MYO16: variants seen among roughly 807,000 people sequenced by gnomAD.
MYO16 encodes the protein unconventional myosin-XVI.
A neutral mutation model predicts 205.3 loss-of-function variants in MYO16; 94 were observed. The observed-to-expected ratio is 0.46, with a 90% CI of 0.39 to 0.54. The LOEUF is 0.54. Ranked by LOEUF, MYO16 falls within the 20% of genes least tolerant of loss-of-function variation. The probability of loss-of-function intolerance (pLI) is 0.00; values close to 1 mark genes in which losing one functional copy is unlikely to be tolerated. For synonymous variants in MYO16, 988 were observed against 954.0 expected (o/e 1.04, Z -0.66); for missense variants, 2,315 against 2,387.5 (o/e 0.97, Z 0.63).
At chr13:108,693,980 G>A (rs1882996316) in intron 2 of MYO16, among the ~76,000 whole-genome samples, 1 of 152,128 alleles carries the variant, frequency 6.6e-6, no homozygotes, top group South Asian at 2.1e-4. Flanking sequence ...CTGTTCCTGT[G>A]TTAGTTTGCT....
At chr13:108,516,958 T>A in the MYO16 span, among the ~76,000 whole-genome samples, 1 of 152,088 alleles carries the variant, frequency 6.6e-6, no homozygotes, top group African/African-American at 2.4e-5. Flanking sequence ...AGAGACAGGG[T>A]CTCACTCTGT....
intron 4 of MYO16, among the ~76,000 whole-genome samples, chr13:108,752,647 C>CT (rs551153441): frequency 0.035 from 4,795 of 135,666 alleles, 281 homozygotes; most frequent in African/African-American, 0.12. Flanking sequence ...TTTTTCTTTT[C>CT]TTTTTTTTTT....
Position 108,972,330 on chromosome 13 carries a change from CTATATATATATATATATAGCCA to C in MYO16, c.2369+7447_2369+7468del, listed in dbSNP as rs1172672094. ...TGTATGTGTGTATATATATAGCCAT[CTATATATATATATATATAGCCA>C]TATATATATATATATATATATATAT... is the stretch of plus-strand genomic sequence containing the variant. On this transcript the variant is annotated intron_variant, in intron 20 of 34. Coordinates refer to ENST00000457511, the MANE Select transcript of MYO16 (RefSeq NM_001198950.3). 4.6e-4 allele frequency among the ~76,000 whole-genome samples: 3 copies of C among 6,590 alleles called. 1 individual carries two copies. The highest frequency in any genetic ancestry group is 8.3e-4 in the Non-Finnish European group (2 of 2,410). The allele number at this position is 6,590 out of a possible 152,430, so 4.3% of individuals were successfully genotyped here. A position where few individuals can be genotyped will look rare whatever the true frequency, so the allele number is the denominator to read the frequency against.
At chr13:108,645,474 T>C (rs1489356706) in intron 1 of MYO16, among the ~76,000 whole-genome samples, 2 of 152,172 alleles carry the variant, frequency 1.3e-5, no homozygotes, top group Admixed American at 6.5e-5. Flanking sequence ...ATTCCTAACA[T>C]TCAGAGAACT....
chr13:108,635,403 C>T (rs1880177120), intron 1 of MYO16, among the ~76,000 whole-genome samples: 1 of 152,146 alleles, frequency 6.6e-6, no homozygotes, highest in South Asian at 2.1e-4. Flanking sequence ...ATTATTTACA[C>T]TGGGTTTTTA....
intron 28 of MYO16, among the ~76,000 whole-genome samples, chr13:109,106,409 C>T (rs1249583243): frequency 4.6e-5 from 7 of 152,054 alleles, no homozygotes; most frequent in Admixed American, 2.6e-4. Flanking sequence ...ACTATTTGCC[C>T]GAATTTCTCC....
the MYO16 span, among the ~76,000 whole-genome samples, chr13:108,525,442 G>A: frequency 6.6e-6 from 1 of 152,162 alleles, no homozygotes; most frequent in Admixed American, 6.5e-5. Context: ...GGAGGTTGCT[G>A]TGTTTTATTA....
intron 1 of MYO16, among the ~76,000 whole-genome samples, chr13:108,647,283 G>T (rs534948221): frequency 6.6e-6 from 1 of 152,154 alleles, no homozygotes; most frequent in East Asian, 1.9e-4. Context: ...CTTTCACCCA[G>T]AATTAGTGCA....
At position 108,972,375 on chromosome 13, in the gene MYO16, T is replaced by G. The variant is rs1416733136; in HGVS notation, c.2369+7473T>G. On this transcript the variant is annotated intron_variant, in intron 20 of 34. Coordinates refer to ENST00000457511, the MANE Select transcript of MYO16 (RefSeq NM_001198950.3). ...CCATATATATATATATATATATATA[T>G]ATATATATATATATATATATATAGT... is the stretch of plus-strand genomic sequence containing the variant. 1.3e-4 allele frequency among the ~76,000 whole-genome samples: 8 copies of G among 60,606 alleles called. 2 individuals are homozygous for G. The East Asian group carries it at 2.7e-3, about 20-fold the overall frequency. 39.8% of individuals were successfully genotyped at this position (60,606 alleles called of 152,430 possible). A position where few individuals can be genotyped will look rare whatever the true frequency, so the allele number is the denominator to read the frequency against.
At position 109,101,095 on chromosome 13, in the gene MYO16, C is replaced by T. The variant is rs563299599; in HGVS notation, c.3438+208C>T. On this transcript the variant is annotated intron_variant, in intron 28 of 34. Transcript: ENST00000457511. ...TCTTGCAGCCAACATGAGAGGAAAT[C>T]TAACAGGCTCCCTTTACAACATGAC... Among the ~76,000 whole-genome samples the T allele has an allele frequency of 1.1e-4, 17 of 151,484 alleles. No individual in the cohort carries two copies. In the South Asian group the frequency reaches 3.5e-3, roughly 31 times the overall value.
chr13:108,507,424 A>C, the MYO16 span, among the ~76,000 whole-genome samples: 61 of 152,118 alleles, frequency 4.0e-4, no homozygotes, highest in East Asian at 0.011. Context: ...TTTTTAAAGA[A>C]AAACTTTGAA....
chr13:108,959,349 C>T (rs1309486283), intron 17 of MYO16, among the ~76,000 whole-genome samples: 2 of 152,132 alleles, frequency 1.3e-5, no homozygotes, highest in Non-Finnish European at 2.9e-5. Context: ...TCTGCTTCCT[C>T]ATAGGAAGTG....
intron 20 of MYO16, among the ~76,000 whole-genome samples, chr13:108,989,750 T>C (rs541298408): frequency 0.015 from 2,217 of 152,288 alleles, 35 homozygotes; most frequent in Middle Eastern, 0.061. Context: ...AGGAAGGCTC[T>C]ACCGATTTAA....
chr13:108,919,597 G>A (rs7986561), intron 16 of MYO16, among the ~76,000 whole-genome samples: 58,214 of 151,944 alleles, frequency 0.38, 11,490 homozygotes, highest in South Asian at 0.57. Flanking sequence ...AGATGTGCAA[G>A]CAGTGTATTT....
intron 16 of MYO16, among the ~76,000 whole-genome samples, chr13:108,944,088 A>G (rs1011138449): frequency 6.6e-6 from 1 of 152,210 alleles, no homozygotes. Flanking sequence ...GAACTGTACT[A>G]CAGGGTATTG....
intron 23 of MYO16, among the ~76,000 whole-genome samples, chr13:109,029,766 G>A (rs559349699): frequency 6.6e-6 from 1 of 152,182 alleles, no homozygotes; most frequent in Admixed American, 6.5e-5. Context: ...CTAGGCTCCT[G>A]GTGTTCCACT....
At chr13:108,954,546 G>C (rs1260220975) in intron 16 of MYO16, among the ~76,000 whole-genome samples, 1 of 152,096 alleles carries the variant, frequency 6.6e-6, no homozygotes, top group Admixed American at 6.5e-5. Flanking sequence ...TTCAAGACCA[G>C]CCTGGGCAAC....
Position 109,141,076 on chromosome 13 carries a change from G to A in MYO16, c.4864G>A (p.Ala1622Thr), listed in dbSNP as rs113648411. Residue 1622 changes from alanine (A) to threonine (T), a missense_variant, in exon 32 of 35, where the codon GCC (alanine) becomes ACC (threonine). Transcript: ENST00000457511. This position sits in a 1 kb window ranked among gnomAD's most constrained non-coding sequence, Gnocchi z 4.1. ...GCACTTGGCCTTCCCGCCGGAGCCC[G>A]CCCCGGTGAACGCGGGGAAAGCGGG... ...CAHLAFPPEP[A>T]PVNAGKAGPS... The A allele has an allele frequency of 1.4e-6, 2 of 1,453,194 alleles. No homozygotes were observed. Among genetic ancestry groups the A allele is most frequent in the Admixed American group, 2.7e-5 (1 of 37,182 alleles). 90.0% of individuals were successfully genotyped at this position (1,453,194 alleles called of 1,614,324 possible). A position where few individuals can be genotyped will look rare whatever the true frequency, so the allele number is the denominator to read the frequency against.
In MYO16 at chr13:108,932,718, AC is replaced by A. The variant is rs375841110; in HGVS notation, c.1925+22570del. ...TCTGTGGGCAGAGATTTCATGGTAT[AC>A]CTTCCCACTGAGATAGTGACTTTTT... On this transcript the variant is annotated intron_variant, in intron 16 of 34. Coordinates refer to ENST00000457511, the MANE Select transcript of MYO16 (RefSeq NM_001198950.3). Among the ~76,000 whole-genome samples the A allele has an allele frequency of 3.1e-3, 469 of 152,206 alleles. 5 individuals are homozygous for A. Among genetic ancestry groups the A allele is most frequent in the African/African-American group, 0.011 (453 of 41,530 alleles).
Sources: gnomAD v4.1 joint callset for allele counts (sites outside exome capture counted in the v4.1 genomes callset) on GRCh38, gnomAD v4.1.1 for gene constraint, Gnocchi (gnomAD v3.1) non-coding constraint, MANE v1.5 for transcripts, NCBI Gene and HGNC (gene_info 2026-07-23, HGNC 2026-07-21) for gene names.